NWD1: variants seen among roughly 807,000 people sequenced by gnomAD.
The protein encoded by NWD1 is NACHT domain- and WD repeat-containing protein 1.
NWD1 carries 129 observed loss-of-function variants against 135.1 expected under a neutral mutation model. The ratio of observed to expected loss-of-function variants is 0.96; its 90% CI spans 0.83 to 1.11. The LOEUF (loss-of-function observed/expected upper bound fraction) is 1.11, where lower values mean the gene tolerates loss of function less well. NWD1 is among the 50% of genes least tolerant of loss of function. The pLI is 0.00. For synonymous variants in NWD1, 773 were observed against 786.0 expected (o/e 0.98, Z 0.28); for missense variants, 1,740 against 1,851.3 (o/e 0.94, Z 1.10).
intron 1 of NWD1, 64 bp downstream of exon 1, chr19:16,720,357 C>A (rs966759872): frequency 6.6e-6 from 1 of 152,218 alleles, no homozygotes; most frequent in Middle Eastern, 3.4e-3. Context: ...GGGGTCACTA[C>A]GCAATGGGAT....
chr19:16,767,661 G>A (rs1969274227), intron 10 of NWD1, among the ~76,000 whole-genome samples: 1 of 152,016 alleles, frequency 6.6e-6, no homozygotes, highest in Non-Finnish European at 1.5e-5. Flanking sequence ...TCACTGTCAT[G>A]AGAACAGCAT....
chr19:16,813,972 C>T (rs938027856), intron 18 of NWD1, among the ~76,000 whole-genome samples: 3 of 150,818 alleles, frequency 2.0e-5, no homozygotes, highest in Non-Finnish European at 2.9e-5. Flanking sequence ...GACAACATAG[C>T]GAGACTCTGT....
At chr19:16,772,534 T>C (rs1969451811) in intron 10 of NWD1, among the ~76,000 whole-genome samples, 1 of 152,086 alleles carries the variant, frequency 6.6e-6, no homozygotes, top group South Asian at 2.1e-4. Flanking sequence ...TAGTCCCAGC[T>C]ATTAGGGAGG....
In NWD1 at chr19:16,744,687, C is replaced by T. The variant is rs765461214; in HGVS notation, c.465C>T (p.Thr155=). The T allele has an allele frequency of 6.5e-7, 1 of 1,535,846 alleles. No homozygotes were observed. Reference sequence around the variant, plus strand: ...AGGCCCGGAGGCTGGGGCTCATCACCCAGGAGCAGTGGCAGCACTACCACC... The same window carrying T: ...AGGCCCGGAGGCTGGGGCTCATCACTCAGGAGCAGTGGCAGCACTACCACC... ...AQEARRLGLI[T]QEQWQHYHRS... The change falls in exon 5 of 19, where the codon ACC becomes ACT. Residue 155 remains threonine, a synonymous_variant. Transcript: ENST00000524140.
intron 10 of NWD1, among the ~76,000 whole-genome samples, chr19:16,766,785 C>T (rs537806590): frequency 2.6e-4 from 39 of 152,196 alleles, no homozygotes; most frequent in African/African-American, 9.4e-4. Flanking sequence ...GGGATTTTGC[C>T]ATGTTTCACA....
intron 11 of NWD1, among the ~76,000 whole-genome samples, chr19:16,774,396 C>T (rs1297908227): frequency 2.7e-5 from 4 of 150,402 alleles, no homozygotes; most frequent in Non-Finnish European, 5.9e-5. Flanking sequence ...ACCTTTCCAT[C>T]CATCTATCCC....
chr19:16,795,393 G>A (rs2123073375), intron 15 of NWD1, among the ~76,000 whole-genome samples: 1 of 152,206 alleles, frequency 6.6e-6, no homozygotes, highest in Admixed American at 6.6e-5. Context: ...CCCCAGAGGG[G>A]GTGTTACAGT....
intron 1 of NWD1, among the ~76,000 whole-genome samples, chr19:16,723,943 G>T (rs36081090): frequency 6.6e-6 from 1 of 151,484 alleles, no homozygotes; most frequent in Non-Finnish European, 1.5e-5. Flanking sequence ...TGATCGGCCC[G>T]CCTTGGCCTC....
Position 16,773,684 on chromosome 19 carries a change from T to C in NWD1, c.2608+361T>C, listed in dbSNP as rs562845977. On this transcript the variant is annotated intron_variant, in intron 11 of 18. Coordinates refer to ENST00000524140, the MANE Select transcript of NWD1 (RefSeq NM_001007525.5). ...CAGTCCTCTGAGAAGCTGAAGGAAC[T>C]GTAAGCAGCCCTTGGAATCCCAGAA... Among the ~76,000 whole-genome samples the C allele has an allele frequency of 1.1e-4, 17 of 152,310 alleles. No homozygotes were observed. In the East Asian group the frequency reaches 3.1e-3, roughly 28 times the overall value.
At chr19:16,738,747 AT>A (rs1967946798) in intron 4 of NWD1, among the ~76,000 whole-genome samples, 1 of 140,554 alleles carries the variant, frequency 7.1e-6, no homozygotes, top group African/African-American at 2.7e-5. Flanking sequence ...TAATATATAT[AT>A]TATATATATA....
At chr19:16,754,832 T>C (rs940784963) in intron 6 of NWD1, among the ~76,000 whole-genome samples, 5 of 150,712 alleles carry the variant, frequency 3.3e-5, no homozygotes, top group African/African-American at 1.2e-4. Context: ...ACATCATCTC[T>C]ATCTTCCCTG....
intron 10 of NWD1, among the ~76,000 whole-genome samples, chr19:16,766,009 T>C (rs1599491821): frequency 8.8e-6 from 1 of 113,682 alleles, no homozygotes. Flanking sequence ...AGAGTGAGAC[T>C]CCGTCTCAAA....
intron 2 of NWD1, among the ~76,000 whole-genome samples, chr19:16,729,577 T>TAAAAAAAAAAAAAAAA (rs537329853): frequency 1.6e-5 from 2 of 125,052 alleles, no homozygotes; most frequent in Admixed American, 8.1e-5. Context: ...TTACAAAAAG[T>TAAAAAAAAAAAAAAAA]AAAAAAAAAA....
intron 12 of NWD1, 109 bp from the exon 13 acceptor site, chr19:16,788,873 A>G (rs1234264207): frequency 2.6e-6 from 2 of 763,128 alleles, no homozygotes; most frequent in Non-Finnish European, 4.6e-6. Context: ...AATTCCATCC[A>G]TCTTTTCTTT....
At chr19:16,784,182 G>C (rs1027129553) in intron 12 of NWD1, among the ~76,000 whole-genome samples, 17 of 151,498 alleles carry the variant, frequency 1.1e-4, no homozygotes, top group Non-Finnish European at 1.5e-5. Flanking sequence ...TCCAGCCTTG[G>C]TGACAGTGAG....
At chr19:16,782,578 C>A (rs1969893948) in intron 12 of NWD1, among the ~76,000 whole-genome samples, 1 of 151,926 alleles carries the variant, frequency 6.6e-6, no homozygotes, top group Non-Finnish European at 1.5e-5. Flanking sequence ...AAAGGGGTGC[C>A]CTAAAAGGCT....
At chr19:16,741,027 G>A (rs547439401) in intron 4 of NWD1, among the ~76,000 whole-genome samples, 2 of 152,284 alleles carry the variant, frequency 1.3e-5, no homozygotes, top group African/African-American at 2.4e-5. Flanking sequence ...AGCTGTGGTC[G>A]TGGGTGCCTA....
chr19:16,759,179 A>C (rs764692191), intron 6 of NWD1, 46 bp from the exon 7 acceptor site: 1 of 1,500,856 alleles, frequency 6.7e-7, no homozygotes, highest in Non-Finnish European at 9.3e-7. Context: ...CTCCAAATGC[A>C]GAAGACATGA....
chr19:16,773,263 G>A lies in NWD1; in HGVS notation c.2548G>A (p.Gly850Arg), dbSNP rs148765608. The change falls in exon 11 of 19, where the codon GGA becomes AGA. Residue 850 changes from glycine (G) to arginine (R), a missense_variant. Coordinates refer to ENST00000524140, the MANE Select transcript of NWD1 (RefSeq NM_001007525.5). ...LCAHPVLVPLGGFLQPPGGPL... is the reference protein window; with the variant it reads ...LCAHPVLVPLRGFLQPPGGPL... ...CGCACACCCTGTGCTGGTGCCCCTC[G>A]GAGGATTCCTCCAGCCCCCGGGAGG... 44 of 1,613,514 alleles carry A rather than the reference G, an allele frequency of 2.7e-5. No homozygotes were observed. The East Asian group carries it at 4.7e-4, about 17-fold the overall frequency.
Sources: allele counts gnomAD v4.1 joint callset (sites outside exome capture counted in the v4.1 genomes callset), GRCh38; gene constraint gnomAD v4.1.1; transcripts MANE v1.5; gene names NCBI Gene and HGNC (gene_info 2026-07-23, HGNC 2026-07-21).